Variants in IFNGR2 observed in about 807,000 individuals in gnomAD.
IFNGR2 encodes interferon gamma receptor 2.
IFNGR2 carries 15 observed loss-of-function variants against 41.1 expected under a neutral mutation model. The observed-to-expected ratio is 0.37, with a 90% CI of 0.24 to 0.56. The LOEUF is 0.56. IFNGR2 is among the 20% of genes least tolerant of loss of function. The pLI is 0.81. For missense variants in IFNGR2, 362 were observed against 415.7 expected (o/e 0.87, Z 1.12); for synonymous variants, 161 against 171.6 (o/e 0.94, Z 0.48).
intron 3 of IFNGR2, among the ~76,000 whole-genome samples, chr21:33,422,073 A>G (rs898998471): frequency 5.9e-5 from 9 of 152,210 alleles, no homozygotes; most frequent in African/African-American, 1.9e-4. Flanking sequence ...AAGTTTGCCA[A>G]CCTCATGCTA....
intron 1 of IFNGR2, among the ~76,000 whole-genome samples, chr21:33,410,472 A>ATT (rs879654908): frequency 9.0e-6 from 1 of 110,688 alleles, no homozygotes; most frequent in Admixed American, 9.3e-5. Context: ...GCCTACAACA[A>ATT]TTTTTTTTTT....
chr21:33,408,536 A>T (rs930924427), intron 1 of IFNGR2, among the ~76,000 whole-genome samples: 5 of 152,120 alleles, frequency 3.3e-5, no homozygotes, highest in African/African-American at 1.2e-4. Flanking sequence ...AAATGCCTGG[A>T]TCTGGGATAG....
chr21:33,417,501 T>C (rs2834211), intron 2 of IFNGR2, among the ~76,000 whole-genome samples: 14,295 of 152,284 alleles, frequency 0.094, 917 homozygotes, highest in East Asian at 0.25. Context: ...CCTCCAGTAG[T>C]TATAAATTAC....
intron 4 of IFNGR2, among the ~76,000 whole-genome samples, chr21:33,427,839 TTCATC>T (rs1305327954): frequency 6.4e-4 from 40 of 62,750 alleles, no homozygotes; most frequent in East Asian, 5.9e-3. Context: ...TTCATCTCAT[TTCATC>T]TTTTTTTTTT....
intron 2 of IFNGR2, among the ~76,000 whole-genome samples, chr21:33,420,116 G>A (rs1372886649): frequency 1.3e-5 from 2 of 152,260 alleles, no homozygotes; most frequent in African/African-American, 4.8e-5. Flanking sequence ...CCCTGGCCAC[G>A]CATCTTGAAG....
At chr21:33,428,644 G>A (rs915374467) in intron 4 of IFNGR2, among the ~76,000 whole-genome samples, 4 of 152,158 alleles carry the variant, frequency 2.6e-5, no homozygotes, top group African/African-American at 7.2e-5. Flanking sequence ...TCAAGATCTG[G>A]GTCGATTAGA....
chr21:33,421,470 T>G lies in IFNGR2; in HGVS notation c.207-10T>G, dbSNP rs891096660. ...AATTCTGTGAATTGAAATCCTTTTT[T>G]CCTTCCCAGCACCGACAGTAAATGG... On this transcript the variant is annotated splice_polypyrimidine_tract_variant and intron_variant, in intron 2 of 6. Transcript: ENST00000290219. 1 of 1,610,796 alleles carries G rather than the reference T, an allele frequency of 6.2e-7. No homozygotes were observed. The highest frequency in any genetic ancestry group is 8.5e-7 in the Non-Finnish European group (1 of 1,176,956).
intron 4 of IFNGR2, among the ~76,000 whole-genome samples, chr21:33,431,772 T>C (rs2083890351): frequency 6.6e-6 from 1 of 152,184 alleles, no homozygotes; most frequent in African/African-American, 2.4e-5. Flanking sequence ...GGTTTTGCAA[T>C]GTTGGCCAGG....
rs1331112010 is a variant in IFNGR2, at chr21:33,410,878, C to T, written c.74-4010C>T. On this transcript the variant is annotated intron_variant, in intron 1 of 6. Transcript: ENST00000290219. ...ACCTACCAAGAATGGTGCAATGATT[C>T]AGCAGCTACTCATGGTAAGACAAGA... is the stretch of plus-strand genomic sequence containing the variant. The T allele has an allele frequency of 1.9e-6, 3 of 1,546,214 alleles. No individual in the cohort carries two copies. In the South Asian group the frequency reaches 3.6e-5, roughly 18 times the overall value.
At chr21:33,429,867 G>C (rs894452902) in intron 4 of IFNGR2, among the ~76,000 whole-genome samples, 2 of 152,174 alleles carry the variant, frequency 1.3e-5, no homozygotes, top group Non-Finnish European at 2.9e-5. Flanking sequence ...GGCTGGGCGC[G>C]GTGGCTTACG....
At chr21:33,412,680 C>T (rs750768428) in intron 1 of IFNGR2, among the ~76,000 whole-genome samples, 6 of 152,168 alleles carry the variant, frequency 3.9e-5, no homozygotes, top group African/African-American at 7.2e-5. Context: ...CTCAGCCTCC[C>T]AGGTCGCTGG....
At chr21:33,411,248 G>T (rs1378977376) in intron 1 of IFNGR2, among the ~76,000 whole-genome samples, 1 of 152,210 alleles carries the variant, frequency 6.6e-6, no homozygotes, top group African/African-American at 2.4e-5. Context: ...GCTGGCATGG[G>T]AACCCCGACT....
At position 33,413,575 on chromosome 21, in the gene IFNGR2, T is replaced by C. The variant is rs2083731319; in HGVS notation, c.74-1313T>C. Among the ~76,000 whole-genome samples the C allele has an allele frequency of 2.6e-5, 4 of 152,212 alleles. No individual in the cohort carries two copies. The South Asian group carries it at 8.3e-4, about 31-fold the overall frequency. ...CCACCTTCTGGGCATTTCTTATTAA[T>C]CTTTTTGGTCAAAAGCCTTATCTTG... On this transcript the variant is annotated intron_variant, in intron 1 of 6. Transcript: ENST00000290219.
intron 1 of IFNGR2, among the ~76,000 whole-genome samples, chr21:33,405,970 A>ACAC (rs1441930139): frequency 6.6e-6 from 1 of 152,176 alleles, no homozygotes; most frequent in East Asian, 1.9e-4. Flanking sequence ...GCAGAGGTGC[A>ACAC]GTAAGCTGAG....
rs1292091669 is a variant in IFNGR2, at chr21:33,403,455, A to C, written c.-89A>C. 1 of 817,494 alleles carries C rather than the reference A, an allele frequency of 1.2e-6. No individual in the cohort carries two copies. The highest frequency in any genetic ancestry group is 1.5e-6 in the Non-Finnish European group (1 of 653,514). 50.6% of individuals were successfully genotyped at this position (817,494 alleles called of 1,614,324 possible). On this transcript the variant is annotated 5_prime_UTR_variant, in exon 1 of 7. The change abolishes an upstream ATG in the 5' untranslated region. Transcript: ENST00000290219. Reference sequence around the variant, plus strand: ...GGGCCCTGCGCGCCCTGCGCTCGCCATGGCGGTTTGGGCGGCGACGTGAGC... The same window carrying C: ...GGGCCCTGCGCGCCCTGCGCTCGCCCTGGCGGTTTGGGCGGCGACGTGAGC...
chr21:33,414,228 A>G (rs1182511772), intron 1 of IFNGR2, among the ~76,000 whole-genome samples: 1 of 152,164 alleles, frequency 6.6e-6, no homozygotes, highest in Non-Finnish European at 1.5e-5. Context: ...CACTTTAACC[A>G]GCACCCCTGT....
intron 1 of IFNGR2, among the ~76,000 whole-genome samples, chr21:33,407,039 T>C (rs2083682475): frequency 1.3e-5 from 2 of 152,252 alleles, no homozygotes; most frequent in Non-Finnish European, 2.9e-5. Context: ...CTGTGGCAAT[T>C]TGTAGCCATG....
chr21:33,404,288 C>T (rs190581892), intron 1 of IFNGR2, among the ~76,000 whole-genome samples: 1 of 152,336 alleles, frequency 6.6e-6, no homozygotes, highest in Admixed American at 6.5e-5. Flanking sequence ...CCGACTTTGG[C>T]CGAGGGCATG....
chr21:33,411,288 G>A (rs938671222), intron 1 of IFNGR2, among the ~76,000 whole-genome samples: 14 of 152,152 alleles, frequency 9.2e-5, no homozygotes, highest in Non-Finnish European at 1.3e-4. Flanking sequence ...GCTGTTCCAC[G>A]CGTCGCTTGG....
Sources: allele counts gnomAD v4.1 joint callset (sites outside exome capture counted in the v4.1 genomes callset), GRCh38; gene constraint gnomAD v4.1.1; transcripts MANE v1.5; gene names NCBI Gene and HGNC (gene_info 2026-07-23, HGNC 2026-07-21).